The following TMEM175 variants were observed in gnomAD, a reference collection of about 807,000 sequenced individuals.
TMEM175 encodes transmembrane protein 175, also known as endosomal/lysosomal proton channel TMEM175.
A neutral mutation model predicts 36.5 loss-of-function variants in TMEM175; 36 were observed. The ratio of observed to expected loss-of-function variants is 0.99; its 90% CI spans 0.76 to 1.30. The LOEUF is 1.30. TMEM175 is among the 50% of genes most tolerant of loss of function. The pLI is 0.00. For synonymous variants in TMEM175, 339 were observed against 313.4 expected, an observed-to-expected ratio of 1.08 and a Z score of -0.86; for missense variants, 705 against 692.8, an observed-to-expected ratio of 1.02 and a Z score of -0.20.
At chr4:952,918 C>T (rs142155399) in intron 7 of TMEM175, among the ~76,000 whole-genome samples, 7 of 152,090 alleles carry the variant, frequency 4.6e-5, no homozygotes, top group African/African-American at 1.7e-4. Flanking sequence ...GGCCCTGAGA[C>T]CCCCCACATG....
At chr4:952,875 T>A (rs563778114) in intron 7 of TMEM175, among the ~76,000 whole-genome samples, 131 of 151,742 alleles carry the variant, frequency 8.6e-4, no homozygotes, top group Admixed American at 1.6e-3. Flanking sequence ...ATGCCCAGAG[T>A]CCCCGCTTTC....
chr4:947,677 A>G, intron 1 of TMEM175, 32 bp from the exon 2 acceptor site: 4 of 1,541,058 alleles, frequency 2.6e-6, no homozygotes, highest in Middle Eastern at 2.2e-4. Flanking sequence ...GGAGCGCCCC[A>G]CAGGCACACT....
At chr4:955,148 C>T (rs1049775040) in intron 8 of TMEM175, among the ~76,000 whole-genome samples, 1 of 152,180 alleles carries the variant, frequency 6.6e-6, no homozygotes, top group Non-Finnish European at 1.5e-5. Context: ...TACTATGTTG[C>T]CCAGGCTGGT....
intron 1 of TMEM175, among the ~76,000 whole-genome samples, chr4:943,905 T>A (rs1330617467): frequency 1.3e-5 from 2 of 152,152 alleles, no homozygotes; most frequent in Non-Finnish European, 2.9e-5. Context: ...CAAAGAAGTG[T>A]GTTACTGATA....
Position 952,153 on chromosome 4 carries a change from G to A in TMEM175, c.379-214G>A, listed in dbSNP as rs368260641. ...TTCCGTATGAATCGGATGACATTTT[G>A]GCTTTAAAGGCCTGAGACATCTGGT... On this transcript the variant is annotated intron_variant, in intron 6 of 10. Transcript: ENST00000264771. Among the ~76,000 whole-genome samples the A allele has an allele frequency of 3.5e-3, 531 of 152,330 alleles. 37 individuals are homozygous for A. In the South Asian group the frequency reaches 0.1, roughly 29 times the overall value.
chr4:948,595 G>C, intron 3 of TMEM175: 1 of 1,304,366 alleles, frequency 7.7e-7, no homozygotes, highest in Non-Finnish European at 1.0e-6. Flanking sequence ...TCCCACCCCG[G>C]CTGCTCCTGC....
intron 1 of TMEM175, among the ~76,000 whole-genome samples, chr4:946,944 G>C (rs1161329840): frequency 7.1e-6 from 1 of 141,448 alleles, no homozygotes; most frequent in East Asian, 2.2e-4. Flanking sequence ...GACCGAGGGA[G>C]AGCACGGCCC....
chr4:942,244 T>G (rs559451732), intron 1 of TMEM175, among the ~76,000 whole-genome samples: 2 of 152,108 alleles, frequency 1.3e-5, no homozygotes, highest in South Asian at 4.2e-4. Flanking sequence ...TTTTTGTATT[T>G]TTAGTAGAGA....
intron 8 of TMEM175, 25 bp from the exon 9 acceptor site, chr4:955,380 T>C (rs1371845740): frequency 1.9e-6 from 3 of 1,606,120 alleles, no homozygotes; most frequent in South Asian, 2.2e-5. Flanking sequence ...TGGAGGGCAC[T>C]GACCTGCGGT....
rs952612615 is a variant in TMEM175 at position 958,523 on chromosome 4, C to A, written c.*27C>A. 5 of 1,467,976 alleles carry A rather than the reference C, an allele frequency of 3.4e-6. No individual in the cohort carries two copies. Among genetic ancestry groups the A allele is most frequent in the Non-Finnish European group, 4.5e-6 (5 of 1,109,282 alleles). 90.9% of individuals were successfully genotyped at this position (1,467,976 alleles called of 1,614,324 possible). A position where few individuals can be genotyped will look rare whatever the true frequency, so the allele number is the denominator to read the frequency against. On this transcript the variant is annotated 3_prime_UTR_variant, in exon 11 of 11. Coordinates refer to ENST00000264771, the MANE Select transcript of TMEM175 (RefSeq NM_032326.4). Reference sequence around the variant, plus strand: ...AGCCACAGAGCCCACTCCCAGCCGTCCTCACCAGAGATGGACCAGGGAGGA... The same window carrying A: ...AGCCACAGAGCCCACTCCCAGCCGTACTCACCAGAGATGGACCAGGGAGGA...
chr4:948,081 C>T lies in TMEM175; in HGVS notation c.154-35C>T. 2.5e-6 allele frequency: 4 copies of T among 1,614,122 alleles called. No homozygotes were observed. In the Middle Eastern group the frequency reaches 4.9e-4, roughly 200 times the overall value. On this transcript the variant is annotated intron_variant, in intron 2 of 10. Coordinates refer to ENST00000264771, the MANE Select transcript of TMEM175 (RefSeq NM_032326.4). ...CACCCAATCCAACAAGCGTCTCTTG[C>T]TCTCCTGCTTCCTTCTGTCTCTTTG...
chr4:953,393 G>C (rs199973749), intron 8 of TMEM175, 39 bp downstream of exon 8: 103 of 1,564,498 alleles, frequency 6.6e-5, no homozygotes, highest in Non-Finnish European at 8.0e-5. Flanking sequence ...AGGCAGGAAC[G>C]GGGGCCACCA....
At chr4:951,641 C>A (rs1488120297) in intron 5 of TMEM175, 41 bp from the exon 6 acceptor site, 1 of 1,613,844 alleles carries the variant, frequency 6.2e-7, no homozygotes, top group Non-Finnish European at 8.5e-7. Flanking sequence ...TGCCCTTCTC[C>A]CCAGGCCGCA....
intron 1 of TMEM175, among the ~76,000 whole-genome samples, chr4:939,416 A>G (rs181070871): frequency 1.2e-3 from 182 of 151,882 alleles, no homozygotes; most frequent in African/African-American, 4.2e-3. Context: ...CCCCATTTCT[A>G]CTAAAAATAC....
intron 2 of TMEM175, 99 bp from the exon 3 acceptor site, chr4:948,017 G>A: frequency 1.9e-6 from 3 of 1,610,684 alleles, no homozygotes; most frequent in Non-Finnish European, 2.5e-6. Context: ...AGGCAGCTTA[G>A]GGGGGCCCAG....
chr4:933,028 G>A (rs1726228781), intron 1 of TMEM175, among the ~76,000 whole-genome samples: 1 of 152,212 alleles, frequency 6.6e-6, no homozygotes, highest in Non-Finnish European at 1.5e-5. Context: ...CATTTTCCAA[G>A]GCAAAAGCAA....
Position 932,559 on chromosome 4 carries a change from C to G in TMEM175, c.-32+19C>G, listed in dbSNP as rs1385173613. 2 of 443,784 alleles carry G rather than the reference C, an allele frequency of 4.5e-6. No homozygotes were observed. Among genetic ancestry groups the G allele is most frequent in the Non-Finnish European group, 7.9e-6 (2 of 254,028 alleles). 27.5% of individuals were successfully genotyped at this position (443,784 alleles called of 1,614,324 possible). On this transcript the variant is annotated intron_variant, in intron 1 of 10. Coordinates refer to ENST00000264771, the MANE Select transcript of TMEM175 (RefSeq NM_032326.4). This position sits in a 1 kb window ranked among gnomAD's most constrained non-coding sequence, Gnocchi z 4.0. ...CGCCCAGGTAGTTCAGCGCCCCAGT[C>G]CAGCTCCCGGTACCGTTCCCCACAT...
Position 958,174 on chromosome 4 carries a change from T to C in TMEM175, c.1193T>C (p.Leu398Pro), listed in dbSNP as rs1441235101. 6.2e-7 allele frequency: 1 copy of C among 1,603,660 alleles called. No individual in the cohort carries two copies. Residue 398 changes from leucine (L) to proline (P), a missense_variant, in exon 11 of 11, where the codon CTG (leucine) becomes CCG (proline). Physicochemically the swap from Leu to Pro is moderately conservative, Grantham distance 98. Transcript: ENST00000264771. ...IFQLAMWTTA[L>P]LHQAETLQPS... ...CAGCTGGCCATGTGGACCACGGCGC[T>C]GCTGCACCAGGCGGAGACGCTGCAG...
chr4:941,406 CA>C (rs1204161601), intron 1 of TMEM175, among the ~76,000 whole-genome samples: 2 of 138,598 alleles, frequency 1.4e-5, no homozygotes, highest in African/African-American at 5.2e-5. Context: ...AGAAACAAAA[CA>C]AAAAAAACTC....
Sources: gnomAD v4.1 joint callset for allele counts (sites outside exome capture counted in the v4.1 genomes callset) on GRCh38, gnomAD v4.1.1 for gene constraint, Gnocchi (gnomAD v3.1) non-coding constraint, MANE v1.5 for transcripts, NCBI Gene and HGNC (gene_info 2026-07-23, HGNC 2026-07-21) for gene names.